PTPRO: variants seen among roughly 807,000 people sequenced by gnomAD.
PTPRO encodes the protein receptor-type tyrosine-protein phosphatase O.
A neutral mutation model predicts 145.2 loss-of-function variants in PTPRO; 62 were observed. That is an observed-to-expected ratio of 0.43 (90% CI 0.35 to 0.53). The LOEUF (loss-of-function observed/expected upper bound fraction) is 0.53. Among genes scored for constraint, PTPRO ranks in the 20% least tolerant of loss-of-function variants. The probability of loss-of-function intolerance (pLI) is 0.01; values close to 1 mark genes in which losing one functional copy is unlikely to be tolerated. For synonymous variants in PTPRO, 565 were observed against 514.7 expected, an observed-to-expected ratio of 1.10 and a Z score of -1.32; for missense variants, 1,345 against 1,482.7, an observed-to-expected ratio of 0.91 and a Z score of 1.53.
chr12:15,512,500 G>A (rs1032112415), intron 7 of PTPRO, among the ~76,000 whole-genome samples: 7 of 152,134 alleles, frequency 4.6e-5, no homozygotes, highest in Non-Finnish European at 8.8e-5. Flanking sequence ...CTAGAAGAAG[G>A]CATATCAAAA....
At chr12:15,370,615 T>A (rs1464876173) in intron 1 of PTPRO, among the ~76,000 whole-genome samples, 1 of 152,172 alleles carries the variant, frequency 6.6e-6, no homozygotes, top group East Asian at 1.9e-4. Flanking sequence ...ATGAGAGGTG[T>A]CATAATTTTT....
intron 1 of PTPRO, among the ~76,000 whole-genome samples, chr12:15,454,779 A>G (rs1297558209): frequency 1.3e-5 from 2 of 152,100 alleles, no homozygotes; most frequent in South Asian, 2.1e-4. Context: ...TAAGGGTCCA[A>G]TTTCATTGTT....
At chr12:15,503,564 G>A (rs1415230040) in intron 5 of PTPRO, among the ~76,000 whole-genome samples, 3 of 152,012 alleles carry the variant, frequency 2.0e-5, no homozygotes, top group South Asian at 2.1e-4. Flanking sequence ...CCCTTACCTC[G>A]TGATGAGAAA....
chr12:15,422,668 C>A (rs1399340803), intron 1 of PTPRO, among the ~76,000 whole-genome samples: 1 of 152,158 alleles, frequency 6.6e-6, no homozygotes. Flanking sequence ...CATGTAGAAA[C>A]GTGAGCCCAG....
intron 1 of PTPRO, among the ~76,000 whole-genome samples, chr12:15,462,815 A>G (rs1451121312): frequency 6.6e-6 from 1 of 152,190 alleles, no homozygotes; most frequent in Non-Finnish European, 1.5e-5. Flanking sequence ...CTCTTTAATT[A>G]CAGCAGTCAG....
chr12:15,348,686 C>G (rs1187714380), intron 1 of PTPRO: 2 of 152,128 alleles, frequency 1.3e-5, no homozygotes, highest in Admixed American at 1.3e-4. Flanking sequence ...ACTCGGGAGG[C>G]TGACGCAGGA....
chr12:15,453,718 A>G (rs186241803), intron 1 of PTPRO, among the ~76,000 whole-genome samples: 7 of 152,282 alleles, frequency 4.6e-5, no homozygotes, highest in Non-Finnish European at 7.4e-5. Flanking sequence ...TATAGCCTTT[A>G]AAATAGGAAC....
intron 1 of PTPRO, among the ~76,000 whole-genome samples, chr12:15,386,634 G>A (rs1367666952): frequency 6.6e-6 from 1 of 152,142 alleles, no homozygotes; most frequent in Non-Finnish European, 1.5e-5. Context: ...TTGGATTGAA[G>A]ATGCACTGTA....
intron 20 of PTPRO, among the ~76,000 whole-genome samples, chr12:15,579,299 G>C (rs1034344517): frequency 6.6e-6 from 1 of 152,192 alleles, no homozygotes; most frequent in African/African-American, 2.4e-5. Flanking sequence ...AGGCGATGCA[G>C]TATATTAAAA....
In PTPRO at chr12:15,401,293, A is replaced by G. The variant is rs1939485524; in HGVS notation, c.75+78492A>G. Reference sequence around the variant, plus strand: ...TTCCACTTACGAATCACTGCTAAAAACTAGTCATCTCCCCATATGCAACTA... The same window carrying G: ...TTCCACTTACGAATCACTGCTAAAAGCTAGTCATCTCCCCATATGCAACTA... On this transcript the variant is annotated intron_variant, in intron 1 of 26. Transcript: ENST00000281171. Among the ~76,000 whole-genome samples, 2 of 152,224 alleles carry G rather than the reference A, an allele frequency of 1.3e-5. 1 individual carries two copies. The highest frequency in any genetic ancestry group is 4.1e-4 in the South Asian group (2 of 4,830).
chr12:15,439,277 T>C (rs1940689006), intron 1 of PTPRO, among the ~76,000 whole-genome samples: 1 of 152,186 alleles, frequency 6.6e-6, no homozygotes, highest in Admixed American at 6.5e-5. Flanking sequence ...AAGGGAGTTC[T>C]AAACATGGAA....
At chr12:15,457,274 C>G (rs1941201655) in intron 1 of PTPRO, among the ~76,000 whole-genome samples, 1 of 152,212 alleles carries the variant, frequency 6.6e-6, no homozygotes, top group Admixed American at 6.5e-5. Flanking sequence ...TCTTTTCTCC[C>G]CAGCTCACAG....
intron 1 of PTPRO, among the ~76,000 whole-genome samples, chr12:15,482,000 G>A (rs1163450450): frequency 1.3e-5 from 2 of 152,018 alleles, no homozygotes; most frequent in Non-Finnish European, 2.9e-5. Flanking sequence ...GCAATCCCAC[G>A]ACTGGGTATC....
In PTPRO at chr12:15,360,907, T is replaced by C. The variant is rs368008879; in HGVS notation, c.75+38106T>C. Among the ~76,000 whole-genome samples, 135 of 140,854 alleles carry C rather than the reference T, an allele frequency of 9.6e-4. 5 individuals are homozygous for C. Among genetic ancestry groups the C allele is most frequent in the East Asian group, 7.6e-3 (36 of 4,722 alleles). The allele number at this position is 140,854 out of a possible 152,430, so 92.4% of individuals were successfully genotyped here. On this transcript the variant is annotated intron_variant, in intron 1 of 26. Coordinates refer to ENST00000281171, the MANE Select transcript of PTPRO (RefSeq NM_030667.3). ...ATACACATGTGTATATACACACACA[T>C]ATATACACACATGTATATACACACA...
chr12:15,487,499 G>GA, intron 2 of PTPRO, among the ~76,000 whole-genome samples: 1 of 152,154 alleles, frequency 6.6e-6, no homozygotes, highest in Non-Finnish European at 1.5e-5. Context: ...TTGTATTCAG[G>GA]AAAGGTCCAG....
intron 17 of PTPRO, among the ~76,000 whole-genome samples, chr12:15,563,208 A>G (rs552338927): frequency 7.8e-4 from 118 of 152,254 alleles, no homozygotes; most frequent in South Asian, 1.7e-3. Flanking sequence ...TCCTCTATGC[A>G]TATATGCTGT....
At chr12:15,517,005 AC>A in intron 9 of PTPRO, 49 bp downstream of exon 9, 1 of 1,448,800 alleles carries the variant, frequency 6.9e-7, no homozygotes, top group Non-Finnish European at 9.7e-7. Context: ...GAACAGGCAA[AC>A]CTTTATGTAC....
At chr12:15,558,241 C>T (rs916127482) in intron 16 of PTPRO, among the ~76,000 whole-genome samples, 8 of 152,098 alleles carry the variant, frequency 5.3e-5, no homozygotes, top group African/African-American at 1.9e-4. Flanking sequence ...CCCAGCATCT[C>T]CATTTTAAAC....
At chr12:15,389,759 G>A (rs903694089) in intron 1 of PTPRO, among the ~76,000 whole-genome samples, 17 of 152,218 alleles carry the variant, frequency 1.1e-4, no homozygotes, top group African/African-American at 4.1e-4. Context: ...AACGAATGTA[G>A]GTTTCCTTCC....
Sources: allele counts gnomAD v4.1 joint callset (sites outside exome capture counted in the v4.1 genomes callset), GRCh38; gene constraint gnomAD v4.1.1; transcripts MANE v1.5; gene names NCBI Gene and HGNC (gene_info 2026-07-23, HGNC 2026-07-21).